Variants in HIP1 observed in about 807,000 individuals in gnomAD.
HIP1 encodes the protein huntingtin interacting protein 1.
In HIP1, 65 loss-of-function variants were observed where a neutral mutation model predicts 147.6. The ratio of observed to expected loss-of-function variants is 0.44; its 90% confidence interval spans 0.36 to 0.54. The LOEUF is 0.54. HIP1 is among the 20% of genes least tolerant of loss of function. The pLI is 0.00. For missense variants in HIP1, 1,061 were observed against 1,299.6 expected (o/e 0.82, Z 2.82); for synonymous variants, 479 against 504.0 (o/e 0.95, Z 0.67).
intron 1 of HIP1, among the ~76,000 whole-genome samples, chr7:75,719,596 A>C (rs768284089): frequency 6.6e-6 from 1 of 151,900 alleles, no homozygotes; most frequent in Non-Finnish European, 1.5e-5. Flanking sequence ...CATGCTTTCT[A>C]TCGTTTAATC....
chr7:75,555,941 C>CG, intron 18 of HIP1, 85 bp downstream of exon 18: 1 of 1,530,472 alleles, frequency 6.5e-7, no homozygotes, highest in East Asian at 2.3e-5. Flanking sequence ...TCAGCAGCCC[C>CG]GGGGTCCTCC....
intron 1 of HIP1, among the ~76,000 whole-genome samples, chr7:75,696,162 A>G (rs985258941): frequency 2.4e-4 from 36 of 149,060 alleles, no homozygotes; most frequent in Admixed American, 2.3e-3. Context: ...TAATGTTTGC[A>G]TTTTTTGTAG....
intron 1 of HIP1, among the ~76,000 whole-genome samples, chr7:75,615,136 C>A (rs1465379541): frequency 6.6e-5 from 10 of 152,140 alleles, no homozygotes; most frequent in African/African-American, 2.4e-4. Context: ...GATAGTAAGG[C>A]TCTTTGCCAT....
In HIP1 at chr7:75,549,372, C is replaced by CT. The variant is rs60654435; in HGVS notation, c.2296-372dup. 9.3e-3 allele frequency among the ~76,000 whole-genome samples: 1,131 copies of CT among 121,184 alleles called. 15 individuals are homozygous for CT. Among genetic ancestry groups the CT allele is most frequent in the African/African-American group, 0.028 (906 of 32,586 alleles). 79.5% of individuals were successfully genotyped at this position (121,184 alleles called of 152,430 possible). ...TCTTTTGCTTTCTTTCTTTTCTTTT[C>CT]TTTTTTTTTTTTTTTTGAGACAGAG... On this transcript the variant is annotated intron_variant, in intron 22 of 30. Transcript: ENST00000336926.
intron 2 of HIP1, among the ~76,000 whole-genome samples, chr7:75,595,251 T>TCTTTCTTCCTTCCTTCCTTCCTTC (rs1491144475): frequency 5.0e-5 from 3 of 59,500 alleles, no homozygotes; most frequent in Non-Finnish European, 6.2e-5. Context: ...TTTCTTTCTT[T>TCTTTCTTCCTTCCTTCCTTCCTTC]CTTCCTTCCT....
rs375133350 is a variant in HIP1, at chr7:75,649,167, G to A, written c.121-49920C>T. Among the ~76,000 whole-genome samples the A allele has an allele frequency of 1.1e-3, 169 of 152,208 alleles. 3 individuals are homozygous for A. The South Asian group carries it at 0.03, about 27-fold the overall frequency. On this transcript the variant is annotated intron_variant, in intron 1 of 30. Coordinates refer to ENST00000336926, the MANE Select transcript of HIP1 (RefSeq NM_005338.7). ...ATCCTCCCGAGTAGCTGGGATTATA[G>A]GCATATGCCACCACACCCAGCTAAT...
At chr7:75,676,315 T>C (rs2705808) in intron 1 of HIP1, among the ~76,000 whole-genome samples, 86,055 of 152,060 alleles carry the variant, frequency 0.57, 24,852 homozygotes, top group African/African-American at 0.66. Flanking sequence ...TTTCAACACC[T>C]AGCCAGGCAG....
At chr7:75,611,946 C>T in intron 1 of HIP1, 1 of 891,504 alleles carries the variant, frequency 1.1e-6, no homozygotes. Flanking sequence ...CAGGCAGTGG[C>T]CAATGGGAAA....
chr7:75,726,032 C>T (rs1011034750), intron 1 of HIP1, among the ~76,000 whole-genome samples: 13 of 152,038 alleles, frequency 8.6e-5, no homozygotes, highest in African/African-American at 2.2e-4. Flanking sequence ...TTAGCTGAGA[C>T]GCGGTTTTAC....
At chr7:75,595,218 T>TCC (rs2116985053) in intron 2 of HIP1, among the ~76,000 whole-genome samples, 1 of 89,668 alleles carries the variant, frequency 1.1e-5, no homozygotes, top group East Asian at 3.0e-4. Flanking sequence ...CTTTCTTTCT[T>TCC]TCTTTCTTTC....
At chr7:75,719,398 G>T (rs571687535) in intron 1 of HIP1, among the ~76,000 whole-genome samples, 2 of 152,032 alleles carry the variant, frequency 1.3e-5, no homozygotes, top group African/African-American at 4.8e-5. Flanking sequence ...CAGCTACTCA[G>T]GAGGCTGAGG....
chr7:75,641,171 T>C (rs1400493424), intron 1 of HIP1, among the ~76,000 whole-genome samples: 1 of 151,966 alleles, frequency 6.6e-6, no homozygotes, highest in African/African-American at 2.4e-5. Context: ...CTGGTCATGA[T>C]GGCGCACACC....
At chr7:75,664,628 G>A (rs2705837) in intron 1 of HIP1, among the ~76,000 whole-genome samples, 92,023 of 149,408 alleles carry the variant, frequency 0.62, 28,965 homozygotes, top group Middle Eastern at 0.75. Context: ...ACAGGCAGAC[G>A]GACAGACAAA....
intron 1 of HIP1, among the ~76,000 whole-genome samples, chr7:75,702,978 T>C (rs1554519308): frequency 6.6e-6 from 1 of 152,150 alleles, no homozygotes; most frequent in Non-Finnish European, 1.5e-5. Context: ...GATTTCAACA[T>C]AAGGTTTGAA....
chr7:75,604,009 C>A (rs988063525), intron 1 of HIP1, among the ~76,000 whole-genome samples: 1 of 152,194 alleles, frequency 6.6e-6, no homozygotes, highest in African/African-American at 2.4e-5. Context: ...TTCCCTGGAC[C>A]TTAGTCCTCA....
At position 75,719,439 on chromosome 7, in the gene HIP1, G is replaced by A. The variant is rs553919061; in HGVS notation, c.120+19362C>T. Among the ~76,000 whole-genome samples, 10 of 151,194 alleles carry A rather than the reference G, an allele frequency of 6.6e-5. No individual in the cohort carries two copies. In the South Asian group the frequency reaches 2.1e-3, roughly 32 times the overall value. ...GAATGGCGGGAACCCGGAAGGTGGA[G>A]TTTGTAGTGAACCGAGATCATGCCG... is the stretch of plus-strand genomic sequence containing the variant. On this transcript the variant is annotated intron_variant, in intron 1 of 30. Coordinates refer to ENST00000336926, the MANE Select transcript of HIP1 (RefSeq NM_005338.7).
intron 1 of HIP1, among the ~76,000 whole-genome samples, chr7:75,609,136 C>T (rs587711078): frequency 4.0e-3 from 607 of 152,332 alleles, no homozygotes; most frequent in Non-Finnish European, 6.5e-3. Flanking sequence ...TCTGCCTGAG[C>T]TTGCCAGGAC....
intron 1 of HIP1, among the ~76,000 whole-genome samples, chr7:75,719,711 C>T (rs1199202079): frequency 3.3e-5 from 5 of 152,060 alleles, no homozygotes; most frequent in South Asian, 2.1e-4. Flanking sequence ...TGAGCCACCA[C>T]GCCTGGCCCT....
Position 75,606,016 on chromosome 7 carries a change from G to T in HIP1, c.121-6769C>A, listed in dbSNP as rs368499442. On this transcript the variant is annotated intron_variant, in intron 1 of 30. Coordinates refer to ENST00000336926, the MANE Select transcript of HIP1 (RefSeq NM_005338.7). ...AGGCACATACCACTATGCCTGGCTA[G>T]TTGGTTTTTTTAAATAGAGACGGGG... Among the ~76,000 whole-genome samples the T allele has an allele frequency of 7.9e-4, 120 of 152,040 alleles. 2 individuals carry two copies. Among genetic ancestry groups the T allele is most frequent in the African/African-American group, 2.7e-3 (110 of 41,486 alleles).
Sources: allele counts gnomAD v4.1 joint callset (sites outside exome capture counted in the v4.1 genomes callset), GRCh38; gene constraint gnomAD v4.1.1; transcripts MANE v1.5; gene names NCBI Gene and HGNC (gene_info 2026-07-23, HGNC 2026-07-21).